The following COL18A1 variants were observed in gnomAD, a reference collection of about 807,000 sequenced individuals.
The protein encoded by COL18A1 is collagen type XVIII alpha 1 chain.
In COL18A1, 133 loss-of-function variants were observed where a neutral mutation model predicts 168.0. The ratio of observed to expected loss-of-function variants is 0.79; its 90% CI spans 0.69 to 0.91. The LOEUF (loss-of-function observed/expected upper bound fraction) is 0.91. Ranked by LOEUF, COL18A1 falls within the 40% of genes least tolerant of loss-of-function variation. The pLI is 0.00. For synonymous variants in COL18A1, 949 were observed against 809.0 expected (o/e 1.17, Z -2.94); for missense variants, 2,126 against 1,925.4 (o/e 1.10, Z -1.95).
chr21:45,483,362 G>C (rs559798952), intron 15 of COL18A1, among the ~76,000 whole-genome samples: 1 of 152,348 alleles, frequency 6.6e-6, no homozygotes, highest in East Asian at 1.9e-4. Flanking sequence ...AGTCTGCTCA[G>C]ACCCTCTGGA....
At chr21:45,489,368 G>T in intron 18 of COL18A1, 118 bp from the exon 19 acceptor site, 2 of 800,848 alleles carry the variant, frequency 2.5e-6, no homozygotes, top group African/African-American at 1.7e-5. Flanking sequence ...GCTCTGGGCT[G>T]GGGGAGGGCG....
intron 18 of COL18A1, among the ~76,000 whole-genome samples, chr21:45,488,724 C>G (rs1945181236): frequency 6.6e-6 from 1 of 152,130 alleles, no homozygotes; most frequent in South Asian, 2.1e-4. Context: ...AGCATATTCT[C>G]AGACTTGGGC....
chr21:45,474,412 G>A (rs2035560563), intron 4 of COL18A1, among the ~76,000 whole-genome samples: 2 of 149,352 alleles, frequency 1.3e-5, no homozygotes, highest in Admixed American at 6.6e-5. Context: ...TGGTGTGTCT[G>A]TCTTGTGTGT....
At chr21:45,405,646 G>A (rs1216761867) in intron 2 of COL18A1, among the ~76,000 whole-genome samples, 173 bp downstream of exon 2, 12 of 150,972 alleles carry the variant, frequency 7.9e-5, no homozygotes, top group Non-Finnish European at 1.5e-4. Context: ...CGGGGTGGCC[G>A]GAGTCCCGCC....
chr21:45,429,282 C>T (rs2033892109), intron 2 of COL18A1, among the ~76,000 whole-genome samples: 1 of 152,188 alleles, frequency 6.6e-6, no homozygotes, highest in East Asian at 1.9e-4. Context: ...GAAAACATTT[C>T]AGCCAGGGCT....
At chr21:45,477,168 TCAGCTGTCATTGGCTTAGATGGCCACA>T (rs1281321781) in intron 6 of COL18A1, among the ~76,000 whole-genome samples, 3 of 152,188 alleles carry the variant, frequency 2.0e-5, no homozygotes, top group Non-Finnish European at 4.4e-5. Flanking sequence ...CTCCCAGACT[TCAGCTGTCATTGGCTTAGATGGCCACA>T]CCGGCCTCAC....
At chr21:45,493,621 G>T in intron 26 of COL18A1, 46 bp downstream of exon 26, 2 of 1,425,386 alleles carry the variant, frequency 1.4e-6, no homozygotes, top group African/African-American at 2.8e-5. Context: ...GGGCTCCTGG[G>T]GCTGTGGAGA....
chr21:45,497,572 A>G (rs777416450), intron 31 of COL18A1, 27 bp from the exon 32 acceptor site: 1 of 1,553,404 alleles, frequency 6.4e-7, no homozygotes, highest in South Asian at 1.2e-5. Flanking sequence ...CACATTCCTG[A>G]TGGGCACTGG....
Position 45,471,852 on chromosome 21 carries a change from T to C in COL18A1, c.652-2043T>C, listed in dbSNP as rs2035440376. Among the ~76,000 whole-genome samples the C allele has an allele frequency of 6.6e-6, 1 of 152,196 alleles. No homozygotes were observed. The highest frequency in any genetic ancestry group is 6.5e-5 in the Admixed American group (1 of 15,282). On this transcript the variant is annotated intron_variant, in intron 3 of 41. Coordinates refer to ENST00000651438, the MANE Select transcript of COL18A1 (RefSeq NM_001379500.1). This position sits in a 1 kb window ranked among gnomAD's most constrained non-coding sequence, Gnocchi z 4.4. ...GAATTCCTGTGAGCTCTGTTTCAGG[T>C]GTCTCCGGATTTCATAACTTTCAGT...
intron 2 of COL18A1, among the ~76,000 whole-genome samples, chr21:45,453,146 ATG>A (rs2034684932): frequency 1.3e-5 from 2 of 151,554 alleles, no homozygotes; most frequent in South Asian, 2.1e-4. Flanking sequence ...GAGTATTCAC[ATG>A]TGACATGTGT....
At chr21:45,440,959 G>A (rs1249849399) in intron 2 of COL18A1, among the ~76,000 whole-genome samples, 1 of 152,188 alleles carries the variant, frequency 6.6e-6, no homozygotes, top group African/African-American at 2.4e-5. Flanking sequence ...GGGAACCACG[G>A]GACGCTCACT....
chr21:45,449,121 C>T (rs1260744352), intron 2 of COL18A1, among the ~76,000 whole-genome samples: 1 of 152,224 alleles, frequency 6.6e-6, no homozygotes. Flanking sequence ...CCTCAGGCCC[C>T]GCTGCCCGGC....
At chr21:45,451,205 G>A (rs1383127419) in intron 2 of COL18A1, among the ~76,000 whole-genome samples, 1 of 152,230 alleles carries the variant, frequency 6.6e-6, no homozygotes, top group African/African-American at 2.4e-5. Context: ...CTGGCCAGAT[G>A]GCCGGCCAGC....
At chr21:45,507,101 TGGACTGGGA>T (rs1417863574) in intron 37 of COL18A1, 2 of 294,550 alleles carry the variant, frequency 6.8e-6, no homozygotes, top group African/African-American at 4.9e-5. Context: ...CAACCTGCCG[TGGACTGGGA>T]GGGCTGGGTG....
At chr21:45,409,546 G>T (rs2033225765) in intron 2 of COL18A1, among the ~76,000 whole-genome samples, 1 of 152,098 alleles carries the variant, frequency 6.6e-6, no homozygotes, top group Non-Finnish European at 1.5e-5. Context: ...GGGCAGCTGA[G>T]ACCCGCCTGC....
At position 45,449,967 on chromosome 21, in the gene COL18A1, C is replaced by G. The variant is rs368764159; in HGVS notation, c.107-18275C>G. ...AGGAAGCACGTTCAGAGACTTCAGA[C>G]AATCATAAACTAGTTGCGCCACAGA... On this transcript the variant is annotated intron_variant, in intron 2 of 41. Coordinates refer to ENST00000651438, the MANE Select transcript of COL18A1 (RefSeq NM_001379500.1). 6.6e-5 allele frequency among the ~76,000 whole-genome samples: 10 copies of G among 152,334 alleles called. No homozygotes were observed. The East Asian group carries it at 1.7e-3, about 26-fold the overall frequency.
rs1045777621 is a variant in COL18A1 at position 45,473,705 on chromosome 21, G to T, written c.652-190G>T. ...CTTTCCACATGAAAGCGCCCAGGACGCCCCTGGGTCTCACCACTTCTTCCT... is the reference window on the plus strand; with the variant it reads ...CTTTCCACATGAAAGCGCCCAGGACTCCCCTGGGTCTCACCACTTCTTCCT... On this transcript the variant is annotated intron_variant, in intron 3 of 41. Coordinates refer to ENST00000651438, the MANE Select transcript of COL18A1 (RefSeq NM_001379500.1). The surrounding 1 kb of genome is among the most constrained non-coding windows in gnomAD (Gnocchi z 4.0). Among the ~76,000 whole-genome samples the T allele has an allele frequency of 6.6e-6, 1 of 152,130 alleles. No homozygotes were observed. The highest frequency in any genetic ancestry group is 2.4e-5 in the African/African-American group (1 of 41,426).
In COL18A1 at chr21:45,497,585, C is replaced by A; in HGVS notation, c.2621-14C>A. The A allele has an allele frequency of 6.4e-7, 1 of 1,556,416 alleles. No homozygotes were observed. The highest frequency in any genetic ancestry group is 1.2e-5 in the South Asian group (1 of 84,480). The stretch of plus-strand genomic sequence containing the variant: ...GGCACATTCCTGATGGGCACTGGGT[C>A]TCTCTTCCTCCAGGGAATCAGGGCC... On this transcript the variant is annotated splice_polypyrimidine_tract_variant and intron_variant, in intron 31 of 41. Transcript: ENST00000651438.
chr21:45,509,745 G>A lies in COL18A1; in HGVS notation c.3495+144G>A, dbSNP rs778741854. The A allele has an allele frequency of 2.0e-4, 139 of 702,486 alleles. 1 individual carries two copies. The East Asian group carries it at 2.1e-3, about 10-fold the overall frequency. 43.5% of individuals were successfully genotyped at this position (702,486 alleles called of 1,614,324 possible). On this transcript the variant is annotated intron_variant, in intron 39 of 41. Coordinates refer to ENST00000651438, the MANE Select transcript of COL18A1 (RefSeq NM_001379500.1). Reference sequence around the variant, plus strand: ...CTGGCGGCTCAGGGCCACTCAGGGCGGCTTGGCTGGCCCTGGGACTTGCCC... The same window carrying A: ...CTGGCGGCTCAGGGCCACTCAGGGCAGCTTGGCTGGCCCTGGGACTTGCCC...
Sources: gnomAD v4.1 joint callset for allele counts (sites outside exome capture counted in the v4.1 genomes callset) on GRCh38, gnomAD v4.1.1 for gene constraint, Gnocchi (gnomAD v3.1) non-coding constraint, MANE v1.5 for transcripts, NCBI Gene and HGNC (gene_info 2026-07-23, HGNC 2026-07-21) for gene names.